Variants in PSMA8 observed in about 807,000 individuals in gnomAD.
PSMA8 encodes proteasome 20S subunit alpha 8.
A neutral mutation model predicts 32.4 loss-of-function variants in PSMA8; 18 were observed. The observed-to-expected ratio is 0.56, with a 90% CI of 0.38 to 0.82. The LOEUF (loss-of-function observed/expected upper bound fraction) is 0.82. Among genes scored for constraint, PSMA8 ranks in the 40% least tolerant of loss-of-function variants. PSMA8 has a pLI of 0.00. For missense variants in PSMA8, 298 were observed against 300.7 expected (o/e 0.99, Z 0.07); for synonymous variants, 104 against 98.1 (o/e 1.06, Z -0.36).
At chr18:26,191,054 A>C (rs960199539) in intron 6 of PSMA8, among the ~76,000 whole-genome samples, 1 of 152,218 alleles carries the variant, frequency 6.6e-6, no homozygotes, top group Non-Finnish European at 1.5e-5. Context: ...GGTGAAATGG[A>C]AAGAGTTCTG....
At chr18:26,170,752 T>A (rs2055213995) in intron 4 of PSMA8, 1 of 1,537,634 alleles carries the variant, frequency 6.5e-7, no homozygotes, top group South Asian at 1.1e-5. Flanking sequence ...ACTTCAAATT[T>A]GTACTTAATG....
At chr18:26,134,334 TGTGTGG>T (rs1404119028) in intron 1 of PSMA8, among the ~76,000 whole-genome samples, 4 of 145,694 alleles carry the variant, frequency 2.7e-5, no homozygotes, top group African/African-American at 7.8e-5. Context: ...CTAGGGTGTG[TGTGTGG>T]GTGTGTGTGT....
intron 6 of PSMA8, among the ~76,000 whole-genome samples, chr18:26,181,762 A>G (rs2055313221): frequency 6.6e-6 from 1 of 152,148 alleles, no homozygotes; most frequent in South Asian, 2.1e-4. Flanking sequence ...TGTCTCTACT[A>G]AAAATACAAA....
intron 1 of PSMA8, among the ~76,000 whole-genome samples, chr18:26,134,340 GGTGTGTGT>G (rs563053283): frequency 2.2e-5 from 3 of 135,202 alleles, no homozygotes; most frequent in South Asian, 2.3e-4. Context: ...TGTGTGTGTG[GGTGTGTGT>G]GTGTGTGTGT....
Position 26,151,953 on chromosome 18 carries a change from A to G in PSMA8, c.325A>G (p.Ile109Val), listed in dbSNP as rs1180388046. 4 of 1,604,954 alleles carry G rather than the reference A, an allele frequency of 2.5e-6. No homozygotes were observed. Among genetic ancestry groups the G allele is most frequent in the Non-Finnish European group, 3.4e-6 (4 of 1,177,368 alleles). ...TGAGGACCCAGTCACTGTAGAATAC[A>G]TAACTCGCTTCATAGCAACTTTAAA... ...TVEDPVTVEY[I>V]TRFIATLKQK... is the part of the protein sequence containing the mutation. Residue 109 changes from isoleucine to valine, a missense_variant, in exon 3 of 7, where the codon ATA becomes GTA. Transcript: ENST00000415576.
chr18:26,144,568 C>A lies in PSMA8; in HGVS notation c.112C>A (p.Arg38=), dbSNP rs376403017. The change falls in exon 2 of 7, where the codon CGA becomes AGA. Residue 38 remains arginine (R), a synonymous_variant. Transcript: ENST00000415576. ...TTTAATGACTTGACAGGTCGGAATT[C>A]GAGGTACCAATATAGTTGTTCTTGG... ...VKKGSTAVGI[R]GTNIVVLGVE... is the part of the protein sequence containing the mutation. 1.2e-5 allele frequency: 20 copies of A among 1,612,024 alleles called. No individual in the cohort carries two copies. The highest frequency in any genetic ancestry group is 1.7e-5 in the Non-Finnish European group (20 of 1,178,676).
In PSMA8 at chr18:26,186,049, G is replaced by C. The variant is rs982942273; in HGVS notation, c.661-6270G>C. On this transcript the variant is annotated intron_variant, in intron 6 of 6. Coordinates refer to ENST00000415576, the MANE Select transcript of PSMA8 (RefSeq NM_001025096.2). The stretch of plus-strand genomic sequence containing the variant: ...AGGTCAGGAGTTCAAGATCAGCCTG[G>C]CCAACATAGTGAAACCCCGTCTCTA... Among the ~76,000 whole-genome samples, 15 of 149,294 alleles carry C rather than the reference G, an allele frequency of 1.0e-4. 1 individual carries two copies. Among genetic ancestry groups the C allele is most frequent in the African/African-American group, 3.7e-4 (15 of 40,386 alleles).
At chr18:26,186,094 A>C (rs896310352) in intron 6 of PSMA8, among the ~76,000 whole-genome samples, 3 of 142,300 alleles carry the variant, frequency 2.1e-5, no homozygotes, top group East Asian at 2.2e-4. Flanking sequence ...CACACACAAA[A>C]AAAAATTAGC....
chr18:26,140,063 G>C (rs1264294630), intron 1 of PSMA8: 2 of 702,954 alleles, frequency 2.8e-6, no homozygotes, highest in Non-Finnish European at 5.2e-6. Flanking sequence ...TTCTCTGATT[G>C]TTCACGATTC....
intron 6 of PSMA8, among the ~76,000 whole-genome samples, chr18:26,182,986 G>A (rs1045455622): frequency 1.3e-5 from 2 of 151,758 alleles, no homozygotes; most frequent in African/African-American, 4.8e-5. Context: ...CAGCTACTTA[G>A]GAGGCTGAGG....
At chr18:26,151,650 CAA>C (rs1032693208) in intron 2 of PSMA8, among the ~76,000 whole-genome samples, 13 of 151,908 alleles carry the variant, frequency 8.6e-5, no homozygotes, top group Non-Finnish European at 1.9e-4. Flanking sequence ...CTATAAAAAA[CAA>C]ATAAGAATGG....
chr18:26,179,209 G>T, intron 6 of PSMA8, 79 bp downstream of exon 6: 4 of 1,023,510 alleles, frequency 3.9e-6, no homozygotes, highest in Non-Finnish European at 6.0e-6. Flanking sequence ...TTGGCCTCTA[G>T]GCTTCCGATA....
At chr18:26,145,452 T>C (rs1189547913) in intron 2 of PSMA8, among the ~76,000 whole-genome samples, 1 of 152,132 alleles carries the variant, frequency 6.6e-6, no homozygotes, top group African/African-American at 2.4e-5. Flanking sequence ...ACCACATATG[T>C]AGATTCATGT....
chr18:26,163,516 C>T (rs114044670), intron 4 of PSMA8, among the ~76,000 whole-genome samples: 1 of 152,196 alleles, frequency 6.6e-6, no homozygotes, highest in African/African-American at 2.4e-5. Context: ...TATGCTAGAG[C>T]ATACAGGCTA....
In PSMA8 at chr18:26,170,705, CT is replaced by C. The variant is rs1464309741; in HGVS notation, c.478-8124del. 1.2e-5 allele frequency: 17 copies of C among 1,463,688 alleles called. 2 individuals carry two copies. Among genetic ancestry groups the C allele is most frequent in the Non-Finnish European group, 1.5e-5 (16 of 1,092,370 alleles). 90.7% of individuals were successfully genotyped at this position (1,463,688 alleles called of 1,614,324 possible). A position where few individuals can be genotyped will look rare whatever the true frequency, so the allele number is the denominator to read the frequency against. The stretch of plus-strand genomic sequence containing the variant: ...TCAGAGGGAGGGGGAACAACTTAAA[CT>C]AGAAAACACCTTCATATTAATCATT... On this transcript the variant is annotated intron_variant, in intron 4 of 6. Coordinates refer to ENST00000415576, the MANE Select transcript of PSMA8 (RefSeq NM_001025096.2).
At chr18:26,139,707 C>T (rs189807688) in intron 1 of PSMA8, among the ~76,000 whole-genome samples, 1 of 152,220 alleles carries the variant, frequency 6.6e-6, no homozygotes, top group Admixed American at 6.5e-5. Context: ...CTTGAGGAAC[C>T]TTAATGACCT....
At position 26,180,695 on chromosome 18, in the gene PSMA8, GACACACAC is replaced by G. The variant is rs45627236; in HGVS notation, c.660+1593_660+1600del. ...TAATATACCTATGCATATAAAAATAGACACACACACACACACACACACACACACACACA... is the reference window on the plus strand; with the variant it reads ...TAATATACCTATGCATATAAAAATAGACACACACACACACACACACACACA... On this transcript the variant is annotated intron_variant, in intron 6 of 6. Coordinates refer to ENST00000415576, the MANE Select transcript of PSMA8 (RefSeq NM_001025096.2). 5.1e-3 allele frequency among the ~76,000 whole-genome samples: 737 copies of G among 143,444 alleles called. 6 individuals are homozygous for G. The highest frequency in any genetic ancestry group is 0.017 in the African/African-American group (691 of 39,488). 94.1% of individuals were successfully genotyped at this position (143,444 alleles called of 152,430 possible).
chr18:26,166,399 G>T (rs1279926225), intron 4 of PSMA8, among the ~76,000 whole-genome samples: 1 of 152,148 alleles, frequency 6.6e-6, no homozygotes, highest in Non-Finnish European at 1.5e-5. Flanking sequence ...TGGTATCTTG[G>T]TACACAACTG....
chr18:26,135,627 T>C (rs1273999373), intron 1 of PSMA8, among the ~76,000 whole-genome samples: 2 of 152,182 alleles, frequency 1.3e-5, no homozygotes, highest in Non-Finnish European at 2.9e-5. Context: ...AAAAGTTATA[T>C]AATCCCCAGC....
Sources: allele counts gnomAD v4.1 joint callset (sites outside exome capture counted in the v4.1 genomes callset), GRCh38; gene constraint gnomAD v4.1.1; transcripts MANE v1.5; gene names NCBI Gene and HGNC (gene_info 2026-07-23, HGNC 2026-07-21).